SSH2: variants seen among roughly 807,000 people sequenced by gnomAD.
The protein encoded by SSH2 is slingshot protein phosphatase 2, also known as protein phosphatase Slingshot homolog 2.
Under a neutral mutation model 135.2 loss-of-function variants are expected in SSH2, and 37 were observed. That is an observed-to-expected ratio of 0.27 (90% CI 0.21 to 0.36). The LOEUF (loss-of-function observed/expected upper bound fraction) is 0.36. Among genes scored for constraint, SSH2 ranks in the 10% least tolerant of loss-of-function variants. The pLI is 1.00. For missense variants in SSH2, 1,408 were observed against 1,765.3 expected (o/e 0.80, Z 3.63); for synonymous variants, 628 against 646.2 (o/e 0.97, Z 0.43).
chr17:29,893,970 C>CCAA lies in SSH2; in HGVS notation c.63+35967_63+35968insTTG, dbSNP rs1222835710. The stretch of plus-strand genomic sequence containing the variant: ...TCCTTCATTAGTCTCCCAAATGTCC[C>CCAA]ATTCCCCAAAAGTCTATCTTTAGGC... On this transcript the variant is annotated intron_variant, in intron 1 of 15. Transcript: ENST00000540801. Among the ~76,000 whole-genome samples, 3 of 152,026 alleles carry CCAA rather than the reference C, an allele frequency of 2.0e-5. No homozygotes were observed. The East Asian group carries it at 5.8e-4, about 29-fold the overall frequency.
At chr17:29,838,197 C>T (rs2042977283) in intron 2 of SSH2, among the ~76,000 whole-genome samples, 1 of 152,236 alleles carries the variant, frequency 6.6e-6, no homozygotes, top group Admixed American at 6.5e-5. Context: ...AACCCAGCCA[C>T]GTGTATGCAT....
intron 8 of SSH2, among the ~76,000 whole-genome samples, chr17:29,673,327 T>C (rs924382573): frequency 3.3e-5 from 5 of 152,042 alleles, no homozygotes; most frequent in African/African-American, 1.2e-4. Flanking sequence ...CCTAGCACTT[T>C]GGGAGGCCAA....
At chr17:29,847,237 T>C (rs868070447) in intron 2 of SSH2, among the ~76,000 whole-genome samples, 1 of 152,046 alleles carries the variant, frequency 6.6e-6, no homozygotes, top group Non-Finnish European at 1.5e-5. Flanking sequence ...CACAGTGCCA[T>C]CCCTAATCTG....
intron 3 of SSH2, among the ~76,000 whole-genome samples, chr17:29,751,117 G>A (rs1196538615): frequency 6.6e-6 from 1 of 151,736 alleles, no homozygotes; most frequent in Admixed American, 6.6e-5. Flanking sequence ...TTTCTTCAAA[G>A]TAGAGAGTAC....
intron 3 of SSH2, among the ~76,000 whole-genome samples, chr17:29,765,772 C>T (rs2041428955): frequency 6.6e-6 from 1 of 152,010 alleles, no homozygotes; most frequent in African/African-American, 2.4e-5. Flanking sequence ...GTAATGTCAG[C>T]ATTTTGGGAG....
At chr17:29,643,397 G>T in intron 14 of SSH2, 1 of 371,156 alleles carries the variant, frequency 2.7e-6, no homozygotes, top group Non-Finnish European at 3.7e-6. Context: ...AGATCCAGAG[G>T]ATAAATGTGA....
At chr17:29,794,001 T>C (rs1162984011) in intron 2 of SSH2, 64 bp from the exon 3 acceptor site, 9 of 1,199,628 alleles carry the variant, frequency 7.5e-6, no homozygotes, top group Non-Finnish European at 1.1e-5. Flanking sequence ...ATATCACTAA[T>C]ATAATTTTAC....
chr17:29,720,432 A>C (rs1409892440), intron 3 of SSH2, among the ~76,000 whole-genome samples: 1 of 152,218 alleles, frequency 6.6e-6, no homozygotes, highest in Non-Finnish European at 1.5e-5. Flanking sequence ...ATATATTGCC[A>C]GTAGGACCTC....
intron 3 of SSH2, among the ~76,000 whole-genome samples, chr17:29,761,873 A>ATGTGTGTG (rs1567957521): frequency 8.8e-5 from 11 of 124,702 alleles, no homozygotes; most frequent in African/African-American, 3.4e-4. Flanking sequence ...GTGTGTGTGT[A>ATGTGTGTG]TATATATATA....
chr17:29,825,357 TATA>T (rs1567997590), intron 2 of SSH2, among the ~76,000 whole-genome samples: 1 of 152,182 alleles, frequency 6.6e-6, no homozygotes, highest in African/African-American at 2.4e-5. Flanking sequence ...ATACAAAGAT[TATA>T]ATAATTATAC....
intron 1 of SSH2, among the ~76,000 whole-genome samples, chr17:29,852,517 A>T (rs2065581051): frequency 1.3e-5 from 2 of 151,774 alleles, no homozygotes; most frequent in South Asian, 4.1e-4. Flanking sequence ...CAAAGGACAA[A>T]GGTCAAGTTC....
At chr17:29,753,395 T>C (rs2041011793) in intron 3 of SSH2, among the ~76,000 whole-genome samples, 1 of 151,670 alleles carries the variant, frequency 6.6e-6, no homozygotes, top group Non-Finnish European at 1.5e-5. Context: ...CCTCCCAAAG[T>C]GCTGGGATTA....
At chr17:29,717,290 C>A (rs955210875) in intron 3 of SSH2, among the ~76,000 whole-genome samples, 3 of 152,144 alleles carry the variant, frequency 2.0e-5, no homozygotes, top group African/African-American at 7.2e-5. Flanking sequence ...TGTATGCTAC[C>A]ATGCATGGCT....
intron 1 of SSH2, among the ~76,000 whole-genome samples, chr17:29,880,219 G>A (rs2066112531): frequency 6.6e-6 from 1 of 152,144 alleles, no homozygotes; most frequent in Admixed American, 6.6e-5. Flanking sequence ...GCCCCACCGG[G>A]CTCAAATGAT....
At chr17:29,656,326 G>A (rs375768925) in intron 11 of SSH2, among the ~76,000 whole-genome samples, 5 of 151,964 alleles carry the variant, frequency 3.3e-5, no homozygotes, top group Non-Finnish European at 7.4e-5. Context: ...ACAGGTGCGC[G>A]CCACCATGCC....
intron 3 of SSH2, among the ~76,000 whole-genome samples, chr17:29,745,564 G>A (rs906346596): frequency 1.2e-4 from 19 of 152,056 alleles, no homozygotes; most frequent in African/African-American, 3.9e-4. Flanking sequence ...CTTCATTGAC[G>A]TCTTATTTCC....
intron 6 of SSH2, among the ~76,000 whole-genome samples, chr17:29,680,365 C>T (rs552030744): frequency 1.3e-5 from 2 of 151,380 alleles, no homozygotes; most frequent in Admixed American, 6.6e-5. Flanking sequence ...GCCAACATGG[C>T]GAAACTCCAT....
chr17:29,858,433 C>T lies in SSH2; in HGVS notation c.64-9504G>A, dbSNP rs116087795. On this transcript the variant is annotated intron_variant, in intron 1 of 15. Transcript: ENST00000540801. ...ATTCACATGTTTAAGTTTCAATCCC[C>T]AGTATCTCAGAATGTGGTTGTATTT... Among the ~76,000 whole-genome samples, 687 of 152,206 alleles carry T rather than the reference C, an allele frequency of 4.5e-3. 8 individuals are homozygous for T. The highest frequency in any genetic ancestry group is 0.016 in the African/African-American group (649 of 41,514).
chr17:29,745,520 C>G (rs908427817), intron 3 of SSH2, among the ~76,000 whole-genome samples: 1 of 152,186 alleles, frequency 6.6e-6, no homozygotes, highest in African/African-American at 2.4e-5. Flanking sequence ...TCATCTGACA[C>G]TTACCATGCA....
Sources: allele counts gnomAD v4.1 joint callset (sites outside exome capture counted in the v4.1 genomes callset), GRCh38; gene constraint gnomAD v4.1.1; transcripts MANE v1.5; gene names NCBI Gene and HGNC (gene_info 2026-07-23, HGNC 2026-07-21).